Variants in CUBN observed in about 807,000 individuals in gnomAD.
CUBN encodes 460 kDa receptor.
Under a neutral mutation model 405.3 loss-of-function variants are expected in CUBN, and 282 were observed. The observed-to-expected ratio is 0.70, with a 90% CI of 0.63 to 0.77. The LOEUF (loss-of-function observed/expected upper bound fraction) is 0.77, where lower values mean the gene tolerates loss of function less well. CUBN is among the 30% of genes least tolerant of loss of function. The probability of loss-of-function intolerance (pLI) is 0.00; values close to 1 mark genes in which losing one functional copy is unlikely to be tolerated. For missense variants in CUBN, 4,514 were observed against 4,475.2 expected (o/e 1.01, Z -0.25); for synonymous variants, 1,684 against 1,617.0 (o/e 1.04, Z -0.99).
chr10:16,947,476 G>A (rs560113638), intron 35 of CUBN, 109 bp from the exon 36 acceptor site: 4 of 1,167,736 alleles, frequency 3.4e-6, no homozygotes, highest in African/African-American at 1.5e-5. Context: ...AGAATAGATA[G>A]TATTTCCATC....
chr10:17,077,175 G>T (rs1366729455), intron 17 of CUBN, among the ~76,000 whole-genome samples: 1 of 152,126 alleles, frequency 6.6e-6, no homozygotes, highest in Non-Finnish European at 1.5e-5. Context: ...ATTTCTTGTG[G>T]ATTGCCTTAT....
chr10:16,985,385 T>G (rs1003123332), intron 29 of CUBN, among the ~76,000 whole-genome samples: 3 of 152,088 alleles, frequency 2.0e-5, no homozygotes, highest in Non-Finnish European at 4.4e-5. Flanking sequence ...ATGGGGAAGA[T>G]CATCTTCACA....
intron 12 of CUBN, among the ~76,000 whole-genome samples, chr10:17,104,187 T>C (rs902443603): frequency 1.3e-5 from 2 of 152,150 alleles, no homozygotes; most frequent in African/African-American, 4.8e-5. Flanking sequence ...ATAGTGAAAA[T>C]GGCAAATACT....
chr10:17,024,099 A>G (rs1287399136), intron 27 of CUBN, among the ~76,000 whole-genome samples: 1 of 151,328 alleles, frequency 6.6e-6, no homozygotes, highest in Non-Finnish European at 1.5e-5. Context: ...ATAATTTGGC[A>G]CATACTTTAC....
chr10:16,926,841 ATCT>A (rs34963772), intron 41 of CUBN, among the ~76,000 whole-genome samples: 102,444 of 150,796 alleles, frequency 0.68, 35,129 homozygotes, highest in East Asian at 0.88. Context: ...CTATCTATCT[ATCT>A]AGTCTAATTG....
chr10:16,991,058 T>C (rs1377724761), intron 28 of CUBN, among the ~76,000 whole-genome samples: 1 of 68,140 alleles, frequency 1.5e-5, no homozygotes, highest in Non-Finnish European at 5.3e-5. Flanking sequence ...ACTCAGCAAA[T>C]TTACATTAAA....
intron 39 of CUBN, among the ~76,000 whole-genome samples, chr10:16,936,766 G>A (rs958098533): frequency 6.6e-6 from 1 of 152,142 alleles, no homozygotes; most frequent in Non-Finnish European, 1.5e-5. Flanking sequence ...AGGCTGGAGC[G>A]CAGTGGCATG....
At chr10:17,041,732 A>G (rs911203406) in intron 26 of CUBN, among the ~76,000 whole-genome samples, 1 of 152,170 alleles carries the variant, frequency 6.6e-6, no homozygotes, top group Non-Finnish European at 1.5e-5. Context: ...TTTGTTGAAC[A>G]TTCAAAAGTC....
chr10:16,850,989 A>G (rs1007250585), intron 60 of CUBN, among the ~76,000 whole-genome samples: 2 of 152,212 alleles, frequency 1.3e-5, no homozygotes, highest in Non-Finnish European at 2.9e-5. Context: ...TGAATAGGAG[A>G]TTTAAATGCT....
At chr10:16,869,926 A>G in intron 58 of CUBN, 73 bp from the exon 59 acceptor site, 7 of 1,123,776 alleles carry the variant, frequency 6.2e-6, no homozygotes, top group Non-Finnish European at 9.3e-6. Context: ...AGCTCTTGCA[A>G]AAAAAATGAC....
Position 16,836,351 on chromosome 10 carries a change from C to T in CUBN, c.10064G>A (p.Gly3355Asp). ...GHGNSRFQFC[G>D]RNASAVPVFY... ...CACTGGCACAGCCGAAGCATTTCTG[C>T]CACAGAACTGAAATCTTGAATTTCC... Residue 3355 changes from glycine (G) to aspartate (D), a missense_variant, in exon 63 of 67, where the codon GGC (glycine) becomes GAC (aspartate). Physicochemically the swap from Gly to Asp is moderately conservative, Grantham distance 94. Transcript: ENST00000377833. The T allele has an allele frequency of 1.2e-6, 2 of 1,614,006 alleles. No homozygotes were observed. The highest frequency in any genetic ancestry group is 1.7e-6 in the Non-Finnish European group (2 of 1,179,864).
intron 21 of CUBN, among the ~76,000 whole-genome samples, chr10:17,066,787 T>G (rs111226896): frequency 6.6e-6 from 1 of 152,000 alleles, no homozygotes; most frequent in Admixed American, 6.6e-5. Flanking sequence ...GAAAATAAAA[T>G]GCAAGATAAA....
chr10:16,950,209 T>TAAAAAATAGA, intron 33 of CUBN, 98 bp from the exon 34 acceptor site: 1 of 785,004 alleles, frequency 1.3e-6, no homozygotes, highest in Non-Finnish European at 2.2e-6. Flanking sequence ...TTAATGACTA[T>TAAAAAATAGA]AAAAAATAGA....
chr10:17,111,017 A>G lies in CUBN; in HGVS notation c.917T>C (p.Ile306Thr). The stretch of plus-strand genomic sequence containing the variant: ...GCCGTTATTTATCTCACATTCATTG[A>G]TATCTTCGCAAATATATCCATTGCC... ...WQGNGYICED[I>T]NECEINNGGC... is the part of the protein sequence containing the mutation. Residue 306 changes from isoleucine to threonine, a missense_variant, in exon 9 of 67, where the codon ATC becomes ACC. Transcript: ENST00000377833. 2 of 1,614,196 alleles carry G rather than the reference A, an allele frequency of 1.2e-6. No homozygotes were observed. The highest frequency in any genetic ancestry group is 1.3e-5 in the African/African-American group (1 of 75,042).
At chr10:16,842,244 A>G (rs1032090770) in intron 60 of CUBN, among the ~76,000 whole-genome samples, 1 of 151,942 alleles carries the variant, frequency 6.6e-6, no homozygotes, top group African/African-American at 2.4e-5. Flanking sequence ...GGGTCTTCCT[A>G]TGTTGTCCAG....
At chr10:16,906,170 A>G (rs376658295) in intron 50 of CUBN, 33 bp downstream of exon 50, 2 of 1,452,306 alleles carry the variant, frequency 1.4e-6, no homozygotes, top group African/African-American at 2.8e-5. Context: ...TATTGTAGAT[A>G]AATGGGAAAA....
chr10:16,975,624 C>CTTTTTTTTTTTTTTTTTTTTTTTTTT (rs199779818), intron 31 of CUBN, among the ~76,000 whole-genome samples: 1 of 124,308 alleles, frequency 8.0e-6, no homozygotes, highest in Non-Finnish European at 1.6e-5. Flanking sequence ...TAAAGACCTT[C>CTTTTTTTTTTTTTTTTTTTTTTTTTT]TTTTTTTTTT....
At chr10:16,923,715 C>T (rs1222687461) in intron 43 of CUBN, among the ~76,000 whole-genome samples, 1 of 152,190 alleles carries the variant, frequency 6.6e-6, no homozygotes, top group African/African-American at 2.4e-5. Context: ...CAAACACACC[C>T]TTAGTGTATC....
chr10:17,129,746 G>T lies in CUBN; in HGVS notation c.20C>A (p.Pro7His), dbSNP rs1837276660. 1 of 1,613,902 alleles carries T rather than the reference G, an allele frequency of 6.2e-7. No individual in the cohort carries two copies. The highest frequency in any genetic ancestry group is 1.3e-5 in the African/African-American group (1 of 74,888). The change falls in exon 1 of 67, where the codon CCT (proline) becomes CAT (histidine). Residue 7 changes from proline to histidine, a missense_variant. Coordinates refer to ENST00000377833, the MANE Select transcript of CUBN (RefSeq NM_001081.4). Reference sequence around the variant, plus strand: ...TAAGGTAAGCAAACTCCAAAGAAAAGGTAAAGACATGTTCATCATCAACCT... The same window carrying T: ...TAAGGTAAGCAAACTCCAAAGAAAATGTAAAGACATGTTCATCATCAACCT... MMNMSL[P>H]FLWSLLTLLI...
Sources: gnomAD v4.1 joint callset for allele counts (sites outside exome capture counted in the v4.1 genomes callset) on GRCh38, gnomAD v4.1.1 for gene constraint, MANE v1.5 for transcripts, NCBI Gene and HGNC (gene_info 2026-07-23, HGNC 2026-07-21) for gene names.